The following NLN variants were observed in gnomAD, a reference collection of about 807,000 sequenced individuals.
NLN encodes neurolysin.
A neutral mutation model predicts 79.9 loss-of-function variants in NLN; 64 were observed. The ratio of observed to expected loss-of-function variants is 0.80; its 90% CI spans 0.65 to 0.99. The LOEUF is 0.99. NLN is among the 50% of genes least tolerant of loss of function. The probability of loss-of-function intolerance (pLI) is 0.00; values close to 1 mark genes in which losing one functional copy is unlikely to be tolerated. For missense variants in NLN, 835 were observed against 858.7 expected, an observed-to-expected ratio of 0.97 and a Z score of 0.34; for synonymous variants, 267 against 296.6, an observed-to-expected ratio of 0.90 and a Z score of 1.02.
At position 65,823,901 on chromosome 5, in the gene NLN, A is replaced by G. The variant is rs1760857975; in HGVS notation, c.*986A>G. On this transcript the variant is annotated 3_prime_UTR_variant, in exon 13 of 13. Transcript: ENST00000380985. ...ACTCCAGAAGAGGAGTGGGTTTTGG[A>G]TAGAAGCATTTGAGGACAGCTGCTC... 6.6e-6 allele frequency: 1 copy of G among 152,254 alleles called. No homozygotes were observed. Among genetic ancestry groups the G allele is most frequent in the African/African-American group, 2.4e-5 (1 of 41,448 alleles). The allele number at this position is 152,254 out of a possible 1,614,324, so 9.4% of individuals were successfully genotyped here. A position where few individuals can be genotyped will look rare whatever the true frequency, so the allele number is the denominator to read the frequency against.
Position 65,789,807 on chromosome 5 carries a change from A to G in NLN, c.1325+1323A>G, listed in dbSNP as rs541946897. On this transcript the variant is annotated intron_variant, in intron 8 of 12. Coordinates refer to ENST00000380985, the MANE Select transcript of NLN (RefSeq NM_020726.5). ...TATTTATTAGATAATCTGTCTGCCAATAATCTATGGCCACTCCCTTCAGTC... is the reference window on the plus strand; with the variant it reads ...TATTTATTAGATAATCTGTCTGCCAGTAATCTATGGCCACTCCCTTCAGTC... Among the ~76,000 whole-genome samples the G allele has an allele frequency of 2.0e-5, 3 of 152,332 alleles. No individual in the cohort carries two copies. The South Asian group carries it at 6.2e-4, about 32-fold the overall frequency.
intron 2 of NLN, among the ~76,000 whole-genome samples, chr5:65,761,448 G>T (rs34984): frequency 6.6e-6 from 1 of 151,646 alleles, no homozygotes; most frequent in Admixed American, 6.6e-5. Context: ...ATGCACCACC[G>T]TGCTCAGCTA....
intron 9 of NLN, among the ~76,000 whole-genome samples, chr5:65,804,030 A>C (rs901304925): frequency 6.6e-5 from 10 of 152,272 alleles, no homozygotes; most frequent in African/African-American, 2.4e-4. Context: ...CAAATTTCTA[A>C]GGAAGCACAC....
chr5:65,807,043 G>T (rs1379379721), intron 9 of NLN, among the ~76,000 whole-genome samples: 3 of 151,964 alleles, frequency 2.0e-5, no homozygotes, highest in African/African-American at 4.8e-5. Context: ...CGGGCATGAT[G>T]GTGCCCACCT....
chr5:65,750,061 T>A (rs945724342), intron 1 of NLN, among the ~76,000 whole-genome samples: 7 of 152,112 alleles, frequency 4.6e-5, no homozygotes, highest in Admixed American at 1.3e-4. Flanking sequence ...AGGAACCTAG[T>A]TTGCGAGTGG....
In NLN at chr5:65,810,028, T is replaced by G; in HGVS notation, c.1715-9T>G. ...TTCAAAACATGCCCAAACATTCTTA[T>G]GTTATTAGGTCTTCTGACCCTGCGC... is the stretch of plus-strand genomic sequence containing the variant. On this transcript the variant is annotated splice_polypyrimidine_tract_variant and intron_variant, in intron 10 of 12. Transcript: ENST00000380985. The G allele has an allele frequency of 6.2e-7, 1 of 1,613,172 alleles. No individual in the cohort carries two copies. Among genetic ancestry groups the G allele is most frequent in the Non-Finnish European group, 8.5e-7 (1 of 1,179,584 alleles).
chr5:65,810,099 T>C lies in NLN; in HGVS notation c.1777T>C (p.Ser593Pro), dbSNP rs761278058. The C allele has an allele frequency of 1.9e-6, 3 of 1,613,996 alleles. No individual in the cohort carries two copies. The highest frequency in any genetic ancestry group is 4.5e-5 in the East Asian group (2 of 44,884). ...TGATCAGTCTCTTCATACCAACACA[T>C]CGCTGGATGCTGCAAGTGAATATGC... ...KVDQSLHTNTSLDAASEYAKY... is the reference protein window; with the variant it reads ...KVDQSLHTNTPLDAASEYAKY... Residue 593 changes from serine to proline, a missense_variant, in exon 11 of 13, where the codon TCG becomes CCG. Physicochemically the swap from Ser to Pro is moderately conservative, Grantham distance 74. Transcript: ENST00000380985.
intron 1 of NLN, among the ~76,000 whole-genome samples, chr5:65,752,309 A>G (rs1327764056): frequency 6.6e-6 from 1 of 152,186 alleles, no homozygotes; most frequent in Non-Finnish European, 1.5e-5. Flanking sequence ...TGAAGAAGGT[A>G]TGATTGAGAC....
At chr5:65,738,299 AAAGG>A (rs1318016614) in intron 1 of NLN, among the ~76,000 whole-genome samples, 3 of 144,022 alleles carry the variant, frequency 2.1e-5, no homozygotes, top group African/African-American at 7.3e-5. Context: ...AAGGAGGGGG[AAAGG>A]CCAGGTGTGG....
At chr5:65,735,911 A>C (rs555087789) in intron 1 of NLN, among the ~76,000 whole-genome samples, 15 of 152,268 alleles carry the variant, frequency 9.9e-5, no homozygotes, top group African/African-American at 3.6e-4. Flanking sequence ...CCATTTCCAG[A>C]GCCTAATACT....
chr5:65,732,492 G>C (rs1330654196), intron 1 of NLN, among the ~76,000 whole-genome samples: 1 of 142,480 alleles, frequency 7.0e-6, no homozygotes, highest in Non-Finnish European at 1.6e-5. Flanking sequence ...TCACAGCTTA[G>C]TAAACACCAA....
chr5:65,776,588 A>G (rs1465891681), intron 3 of NLN, among the ~76,000 whole-genome samples: 1 of 152,216 alleles, frequency 6.6e-6, no homozygotes, highest in Admixed American at 6.5e-5. Flanking sequence ...ACACCTGCTG[A>G]ATCTGTCCAG....
chr5:65,751,841 T>G (rs368724474), intron 1 of NLN, among the ~76,000 whole-genome samples: 55 of 152,262 alleles, frequency 3.6e-4, no homozygotes, highest in Middle Eastern at 3.4e-3. Flanking sequence ...ACACTATTAT[T>G]ATGATGATGA....
At chr5:65,793,983 T>C (rs917364679) in intron 9 of NLN, among the ~76,000 whole-genome samples, 4 of 152,238 alleles carry the variant, frequency 2.6e-5, no homozygotes, top group Non-Finnish European at 5.9e-5. Flanking sequence ...GAGAATCTTC[T>C]TAAATCCATA....
Position 65,821,908 on chromosome 5 carries a change from C to T in NLN, c.1981-873C>T, listed in dbSNP as rs192224808. ...TTGTACCAATCAAAATGTTGTTATA[C>T]GACAGAGCTGGAAATTCTCTAGCTC... On this transcript the variant is annotated intron_variant, in intron 12 of 12. Transcript: ENST00000380985. 1.9e-4 allele frequency among the ~76,000 whole-genome samples: 29 copies of T among 152,262 alleles called. No homozygotes were observed. In the East Asian group the frequency reaches 3.5e-3, roughly 18 times the overall value.
chr5:65,756,733 C>T (rs1051824961), intron 1 of NLN, among the ~76,000 whole-genome samples: 4 of 152,098 alleles, frequency 2.6e-5, no homozygotes, highest in Admixed American at 1.3e-4. Flanking sequence ...GAACCCTGGA[C>T]CTTAAGCAAT....
chr5:65,817,727 G>C (rs552978453), intron 12 of NLN, among the ~76,000 whole-genome samples: 1 of 152,170 alleles, frequency 6.6e-6, no homozygotes, highest in African/African-American at 2.4e-5. Context: ...ATTTCAGTCT[G>C]TAATGCCATA....
intron 1 of NLN, among the ~76,000 whole-genome samples, chr5:65,758,352 T>C (rs1028305955): frequency 2.0e-5 from 3 of 152,242 alleles, no homozygotes; most frequent in Non-Finnish European, 2.9e-5. Flanking sequence ...AGTGTTTGAA[T>C]TATACAAATT....
intron 4 of NLN, among the ~76,000 whole-genome samples, chr5:65,778,650 A>G (rs1759729967): frequency 6.6e-6 from 1 of 152,160 alleles, no homozygotes; most frequent in African/African-American, 2.4e-5. Flanking sequence ...GTATAACTAG[A>G]AGGTCGAGGG....
Sources: allele counts gnomAD v4.1 joint callset (sites outside exome capture counted in the v4.1 genomes callset), GRCh38; gene constraint gnomAD v4.1.1; transcripts MANE v1.5; gene names NCBI Gene and HGNC (gene_info 2026-07-23, HGNC 2026-07-21).